Variants in PPP1R16B observed in about 807,000 individuals in gnomAD.
PPP1R16B encodes protein phosphatase 1 regulatory inhibitor subunit 16B.
In PPP1R16B, 14 loss-of-function variants were observed where a neutral mutation model predicts 61.7. The observed-to-expected ratio is 0.23, with a 90% CI of 0.15 to 0.35. PPP1R16B has a LOEUF of 0.35. Ranked by LOEUF, PPP1R16B falls within the 10% of genes least tolerant of loss-of-function variation. PPP1R16B has a pLI of 1.00. For missense variants in PPP1R16B, 547 were observed against 752.5 expected (o/e 0.73, Z 3.19); for synonymous variants, 266 against 305.3 (o/e 0.87, Z 1.34).
At chr20:38,853,369 A>T (rs746854757) in intron 2 of PPP1R16B, among the ~76,000 whole-genome samples, 17 of 152,254 alleles carry the variant, frequency 1.1e-4, no homozygotes, top group Non-Finnish European at 2.2e-4. Context: ...AGAGGTGAAG[A>T]CTAAGAGAAG....
intron 2 of PPP1R16B, among the ~76,000 whole-genome samples, chr20:38,858,735 AG>A: frequency 6.6e-6 from 1 of 152,310 alleles, no homozygotes; most frequent in Non-Finnish European, 1.5e-5. Flanking sequence ...ACTTGAAGCA[AG>A]TAGGGATGTA....
Position 38,818,561 on chromosome 20 carries a change from G to A in PPP1R16B, c.-102+12769G>A, listed in dbSNP as rs77918039. Among the ~76,000 whole-genome samples, 475 of 152,290 alleles carry A rather than the reference G, an allele frequency of 3.1e-3. 1 individual carries two copies. The highest frequency in any genetic ancestry group is 0.011 in the African/African-American group (459 of 41,552). The stretch of plus-strand genomic sequence containing the variant: ...GTTTAAGAGTGAAAACTCCACCAGC[G>A]TTGTGGATGGCTGGTTGGAAGGTAA... On this transcript the variant is annotated intron_variant, in intron 1 of 10. Transcript: ENST00000299824.
chr20:38,854,443 A>G (rs2084989998), intron 2 of PPP1R16B, among the ~76,000 whole-genome samples: 1 of 152,230 alleles, frequency 6.6e-6, no homozygotes, highest in Non-Finnish European at 1.5e-5. Flanking sequence ...TAGAAAAATA[A>G]TCATCAGCCA....
chr20:38,852,747 CTTTTTTT>C (rs1185726609), intron 2 of PPP1R16B, among the ~76,000 whole-genome samples: 2 of 31,498 alleles, frequency 6.3e-5, no homozygotes, highest in Non-Finnish European at 1.0e-4. Flanking sequence ...CCACTGTTTC[CTTTTTTT>C]TTTTTTTTTT....
At chr20:38,852,365 C>A (rs1243673145) in intron 2 of PPP1R16B, among the ~76,000 whole-genome samples, 4 of 152,226 alleles carry the variant, frequency 2.6e-5, no homozygotes, top group Admixed American at 6.5e-5. Context: ...GGCAATTATT[C>A]TCCTGTGATC....
At chr20:38,875,402 G>C (rs1353836810) in intron 2 of PPP1R16B, among the ~76,000 whole-genome samples, 2 of 152,332 alleles carry the variant, frequency 1.3e-5, no homozygotes, top group African/African-American at 4.8e-5. Flanking sequence ...TTCTGCTGCT[G>C]CACGGGCAGA....
chr20:38,846,226 A>C (rs574748873), intron 2 of PPP1R16B, among the ~76,000 whole-genome samples: 1 of 152,264 alleles, frequency 6.6e-6, no homozygotes, highest in East Asian at 1.9e-4. Flanking sequence ...CTCAGGGGAG[A>C]TATCAGGGAT....
At chr20:38,849,696 C>CCA (rs2084955683) in intron 2 of PPP1R16B, among the ~76,000 whole-genome samples, 1 of 61,046 alleles carries the variant, frequency 1.6e-5, no homozygotes, top group African/African-American at 7.3e-5. Context: ...AAAAAAAAAA[C>CCA]AAAAAACTGT....
intron 2 of PPP1R16B, among the ~76,000 whole-genome samples, chr20:38,855,974 A>AGG (rs2085005071): frequency 8.3e-6 from 1 of 120,652 alleles, no homozygotes; most frequent in Non-Finnish European, 1.7e-5. Flanking sequence ...AGAGAGAGAG[A>AGG]GAGAGAGAAG....
At chr20:38,840,091 G>C (rs1311037816) in intron 2 of PPP1R16B, among the ~76,000 whole-genome samples, 1 of 152,226 alleles carries the variant, frequency 6.6e-6, no homozygotes, top group Admixed American at 6.5e-5. Context: ...GGGTTTGGAT[G>C]AGGGGTGTGA....
intron 2 of PPP1R16B, among the ~76,000 whole-genome samples, chr20:38,854,692 C>T (rs779198158): frequency 3.9e-5 from 6 of 152,176 alleles, no homozygotes; most frequent in Non-Finnish European, 7.3e-5. Context: ...GATTCCTCAT[C>T]TGTAAAGTGG....
chr20:38,868,949 C>T (rs1047465194), intron 2 of PPP1R16B, among the ~76,000 whole-genome samples: 19 of 152,084 alleles, frequency 1.2e-4, no homozygotes, highest in Non-Finnish European at 1.5e-4. Flanking sequence ...GTTAACAAAA[C>T]ATTTCAAATC....
intron 2 of PPP1R16B, among the ~76,000 whole-genome samples, chr20:38,873,500 AAC>A (rs1161454414): frequency 6.6e-6 from 1 of 152,178 alleles, no homozygotes; most frequent in East Asian, 1.9e-4. Flanking sequence ...GTGAGTCAGG[AAC>A]CCGGGGTCGC....
At chr20:38,836,583 C>G (rs2084874404) in intron 2 of PPP1R16B, among the ~76,000 whole-genome samples, 1 of 152,240 alleles carries the variant, frequency 6.6e-6, no homozygotes, top group South Asian at 2.1e-4. Flanking sequence ...GTCTCGAATT[C>G]CTGAGCTCAA....
chr20:38,863,665 G>A (rs1305545651), intron 2 of PPP1R16B, among the ~76,000 whole-genome samples: 6 of 152,152 alleles, frequency 3.9e-5, no homozygotes, highest in African/African-American at 1.4e-4. Context: ...CCCACCTCAA[G>A]GGAATTGCGA....
intron 1 of PPP1R16B, among the ~76,000 whole-genome samples, chr20:38,829,360 T>G (rs1480441360): frequency 1.3e-5 from 2 of 152,218 alleles, no homozygotes; most frequent in Non-Finnish European, 2.9e-5. Context: ...CTGGATGACC[T>G]CACCCGACCT....
At chr20:38,842,056 A>G (rs571842968) in intron 2 of PPP1R16B, among the ~76,000 whole-genome samples, 3 of 152,328 alleles carry the variant, frequency 2.0e-5, no homozygotes, top group South Asian at 2.1e-4. Flanking sequence ...CCCCCATTTT[A>G]CAGATGAGAA....
intron 2 of PPP1R16B, among the ~76,000 whole-genome samples, chr20:38,878,497 C>G (rs771315289): frequency 6.6e-6 from 1 of 152,156 alleles, no homozygotes; most frequent in Non-Finnish European, 1.5e-5. Context: ...GAGTGAGGGT[C>G]CCTTGTAATT....
rs1483528904 is a variant in PPP1R16B, at chr20:38,806,153, T to C, written c.-102+361T>C. Among the ~76,000 whole-genome samples the C allele has an allele frequency of 1.3e-5, 2 of 151,870 alleles. No homozygotes were observed. Among genetic ancestry groups the C allele is most frequent in the African/African-American group, 4.8e-5 (2 of 41,320 alleles). On this transcript the variant is annotated intron_variant, in intron 1 of 10. Coordinates refer to ENST00000299824, the MANE Select transcript of PPP1R16B (RefSeq NM_015568.4). This position sits in a 1 kb window ranked among gnomAD's most constrained non-coding sequence, Gnocchi z 4.5. ...GTTCTGGACTCATGGGGCCGCCGTC[T>C]GCCGGGGGTGCAATGCCGGGCGGCG...
Sources: allele counts gnomAD v4.1 joint callset (sites outside exome capture counted in the v4.1 genomes callset), GRCh38; gene constraint gnomAD v4.1.1; non-coding constraint Gnocchi (gnomAD v3.1); transcripts MANE v1.5; gene names NCBI Gene and HGNC (gene_info 2026-07-23, HGNC 2026-07-21).